The following SLC44A3 variants were observed in gnomAD, a reference collection of about 807,000 sequenced individuals.
SLC44A3 encodes the protein choline transporter-like protein 3.
A neutral mutation model predicts 75.4 loss-of-function variants in SLC44A3; 74 were observed. The ratio of observed to expected loss-of-function variants is 0.98; its 90% CI spans 0.81 to 1.19. The LOEUF (loss-of-function observed/expected upper bound fraction) is 1.19, where lower values mean the gene tolerates loss of function less well. SLC44A3 is among the 50% of genes most tolerant of loss of function. The probability of loss-of-function intolerance (pLI) is 0.00; values close to 1 mark genes in which losing one functional copy is unlikely to be tolerated. For synonymous variants in SLC44A3, 310 were observed against 296.9 expected, an observed-to-expected ratio of 1.04 and a Z score of -0.45; for missense variants, 700 against 778.6, an observed-to-expected ratio of 0.90 and a Z score of 1.20.
intron 10 of SLC44A3, among the ~76,000 whole-genome samples, chr1:94,860,714 G>A (rs1260806452): frequency 6.6e-6 from 1 of 152,206 alleles, no homozygotes; most frequent in African/African-American, 2.4e-5. Flanking sequence ...CTTACTACCA[G>A]TCAAGGGTAA....
At chr1:94,846,108 C>T (rs985704196) in intron 9 of SLC44A3, among the ~76,000 whole-genome samples, 5 of 148,424 alleles carry the variant, frequency 3.4e-5, no homozygotes, top group Non-Finnish European at 5.9e-5. Flanking sequence ...GATTGCGCCA[C>T]TGCACTCCAG....
intron 9 of SLC44A3, among the ~76,000 whole-genome samples, chr1:94,850,529 G>A (rs532630291): frequency 4.6e-5 from 7 of 152,170 alleles, no homozygotes; most frequent in South Asian, 4.1e-4. Flanking sequence ...AGCATACACC[G>A]TGTACTTGGG....
At chr1:94,876,111 T>A (rs994153035) in intron 12 of SLC44A3, among the ~76,000 whole-genome samples, 2 of 152,174 alleles carry the variant, frequency 1.3e-5, no homozygotes, top group African/African-American at 4.8e-5. Context: ...CTGCCTGGGC[T>A]AGGCCGGGCC....
intron 10 of SLC44A3, among the ~76,000 whole-genome samples, chr1:94,858,064 G>A (rs554166729): frequency 6.1e-4 from 93 of 151,770 alleles, no homozygotes; most frequent in Non-Finnish European, 6.8e-4. Flanking sequence ...TGCCTGCCTC[G>A]GCCTCCCAAA....
intron 13 of SLC44A3, among the ~76,000 whole-genome samples, chr1:94,891,533 A>G (rs1166993971): frequency 2.0e-5 from 3 of 152,216 alleles, no homozygotes; most frequent in Non-Finnish European, 2.9e-5. Flanking sequence ...CAGTTCTACC[A>G]TTCTGATTCC....
chr1:94,878,260 C>CA (rs57269049), intron 12 of SLC44A3, among the ~76,000 whole-genome samples: 6,222 of 150,354 alleles, frequency 0.041, 348 homozygotes, highest in African/African-American at 0.13. Context: ...AACAAACAAA[C>CA]AAAAAAAAAA....
At chr1:94,892,631 T>C (rs1670345353) in intron 14 of SLC44A3, 114 bp downstream of exon 14, 3 of 1,034,202 alleles carry the variant, frequency 2.9e-6, no homozygotes, top group African/African-American at 3.2e-5. Flanking sequence ...TAGAGGGCTC[T>C]GAGGCTTCTA....
rs947047705 is a variant in SLC44A3, at chr1:94,842,269, G to A, written c.885+145G>A. 1.4e-4 allele frequency: 158 copies of A among 1,164,078 alleles called. No homozygotes were observed. In the African/African-American group the frequency reaches 1.5e-3, roughly 11 times the overall value. 72.1% of individuals were successfully genotyped at this position (1,164,078 alleles called of 1,614,324 possible). ...CTTTGGATTTGAGATACCTGTATAG[G>A]GATAATTCAAAACTCTTCAAAAATA... On this transcript the variant is annotated intron_variant, in intron 8 of 14. Transcript: ENST00000271227.
At chr1:94,854,875 A>ACAGCCCCAGCCC (rs373161141) in intron 9 of SLC44A3, among the ~76,000 whole-genome samples, 6 of 152,034 alleles carry the variant, frequency 3.9e-5, no homozygotes, top group South Asian at 2.1e-4. Context: ...AGTGCGCAGG[A>ACAGCCCCAGCCC]CAGCCCCAGC....
intron 12 of SLC44A3, among the ~76,000 whole-genome samples, chr1:94,874,088 G>T (rs1668037263): frequency 6.6e-6 from 1 of 152,180 alleles, no homozygotes; most frequent in Admixed American, 6.5e-5. Flanking sequence ...GTGTCAATAT[G>T]ATAGTTTGCA....
At chr1:94,852,295 G>T (rs1026908969) in intron 9 of SLC44A3, among the ~76,000 whole-genome samples, 1 of 152,154 alleles carries the variant, frequency 6.6e-6, no homozygotes, top group Non-Finnish European at 1.5e-5. Context: ...GGAAATGCAT[G>T]AGGGGGCAGG....
At chr1:94,860,487 G>T (rs1354177154) in intron 10 of SLC44A3, among the ~76,000 whole-genome samples, 1 of 152,152 alleles carries the variant, frequency 6.6e-6, no homozygotes, top group Non-Finnish European at 1.5e-5. Context: ...AAATTTGCCA[G>T]GGCTGGAGGA....
intron 12 of SLC44A3, chr1:94,888,630 T>C: frequency 1.0e-6 from 1 of 982,714 alleles, no homozygotes; most frequent in Non-Finnish European, 1.2e-6. Flanking sequence ...AAAATTTCCT[T>C]GTGGAACTTT....
At chr1:94,862,705 G>A (rs1247747449) in intron 10 of SLC44A3, among the ~76,000 whole-genome samples, 1 of 152,130 alleles carries the variant, frequency 6.6e-6, no homozygotes, top group Non-Finnish European at 1.5e-5. Flanking sequence ...CCACAGAATT[G>A]GGGTGGATGT....
At chr1:94,876,456 C>T (rs549354707) in intron 12 of SLC44A3, among the ~76,000 whole-genome samples, 5 of 152,322 alleles carry the variant, frequency 3.3e-5, no homozygotes, top group South Asian at 2.1e-4. Flanking sequence ...ACTGTAGGCA[C>T]GTTCCTCGGC....
intron 13 of SLC44A3, among the ~76,000 whole-genome samples, chr1:94,891,838 A>T (rs917588068): frequency 1.1e-4 from 17 of 152,108 alleles, no homozygotes; most frequent in Admixed American, 2.6e-4. Context: ...CAGGAGAATC[A>T]CTTGAACCTG....
chr1:94,832,385 G>A (rs1662245080), intron 5 of SLC44A3, among the ~76,000 whole-genome samples: 1 of 151,934 alleles, frequency 6.6e-6, no homozygotes, highest in African/African-American at 2.4e-5. Context: ...AGAACAGTGT[G>A]CAGTATACTT....
chr1:94,879,255 C>T (rs1036317521), intron 12 of SLC44A3, among the ~76,000 whole-genome samples: 6 of 151,862 alleles, frequency 4.0e-5, no homozygotes, highest in Middle Eastern at 3.4e-3. Context: ...AAAGGACGGC[C>T]GGGCGCAGTG....
At chr1:94,841,510 T>G (rs859112) in intron 7 of SLC44A3, among the ~76,000 whole-genome samples, 82,255 of 151,954 alleles carry the variant, frequency 0.54, 22,370 homozygotes, top group East Asian at 0.7. Context: ...GTACTTGCAA[T>G]GTCAGGGCAT....
Sources: gnomAD v4.1 joint callset for allele counts (sites outside exome capture counted in the v4.1 genomes callset) on GRCh38, gnomAD v4.1.1 for gene constraint, MANE v1.5 for transcripts, NCBI Gene and HGNC (gene_info 2026-07-23, HGNC 2026-07-21) for gene names.